The following SP100 variants were observed in gnomAD, a reference collection of about 807,000 sequenced individuals.
SP100 encodes SP100 nuclear body protein, also known as nuclear autoantigen Sp-100.
Under a neutral mutation model 130.0 loss-of-function variants are expected in SP100, and 84 were observed. The ratio of observed to expected loss-of-function variants is 0.65; its 90% CI spans 0.54 to 0.77. The LOEUF (loss-of-function observed/expected upper bound fraction) is 0.77, where lower values mean the gene tolerates loss of function less well. Ranked by LOEUF, SP100 falls within the 30% of genes least tolerant of loss-of-function variation. SP100 has a pLI of 0.00. For synonymous variants in SP100, 331 were observed against 351.7 expected, an observed-to-expected ratio of 0.94 and a Z score of 0.66; for missense variants, 978 against 1,052.2, an observed-to-expected ratio of 0.93 and a Z score of 0.97.
intron 24 of SP100, among the ~76,000 whole-genome samples, chr2:230,521,263 C>G (rs1024788491): frequency 1.3e-5 from 2 of 152,032 alleles, no homozygotes; most frequent in Non-Finnish European, 2.9e-5. Flanking sequence ...GAAACTTGAG[C>G]CCCCCAGTTT....
At chr2:230,454,289 TTCTGA>T (rs1230508271) in intron 8 of SP100, among the ~76,000 whole-genome samples, 1 of 152,120 alleles carries the variant, frequency 6.6e-6, no homozygotes, top group African/African-American at 2.4e-5. Flanking sequence ...ACTCATTTAT[TTCTGA>T]TCTGATATTT....
At chr2:230,438,011 T>G (rs1227911647) in intron 2 of SP100, among the ~76,000 whole-genome samples, 1 of 152,232 alleles carries the variant, frequency 6.6e-6, no homozygotes, top group Non-Finnish European at 1.5e-5. Context: ...CATGATTTGT[T>G]TCTTGAATTT....
chr2:230,462,710 T>G, intron 10 of SP100, 192 bp downstream of exon 10: 1 of 569,746 alleles, frequency 1.8e-6, no homozygotes, highest in Non-Finnish European at 3.2e-6. Flanking sequence ...TAAACTTATT[T>G]TTGAGAATTA....
At chr2:230,528,463 C>A (rs1481658924) in intron 24 of SP100, among the ~76,000 whole-genome samples, 1 of 152,128 alleles carries the variant, frequency 6.6e-6, no homozygotes, top group South Asian at 2.1e-4. Flanking sequence ...TAAATGCCCA[C>A]AAGAGAAAGC....
At chr2:230,539,816 T>C (rs1692095345) in intron 25 of SP100, among the ~76,000 whole-genome samples, 1 of 152,166 alleles carries the variant, frequency 6.6e-6, no homozygotes, top group Non-Finnish European at 1.5e-5. Flanking sequence ...GACCTGTGAA[T>C]TCTGCAAGTG....
At chr2:230,417,781 T>C in intron 2 of SP100, 116 bp downstream of exon 2, 2 of 1,442,398 alleles carry the variant, frequency 1.4e-6, no homozygotes, top group Non-Finnish European at 1.8e-6. Context: ...AATTGCTTGT[T>C]TGTTTTTTGC....
chr2:230,442,878 C>A lies in SP100; in HGVS notation c.108-59C>A, dbSNP rs1199447359. On this transcript the variant is annotated intron_variant, in intron 2 of 28. Transcript: ENST00000340126. ...GTCCTTTATATGTAAACTCTTACAG[C>A]CTCCACAAACATCTCAGAATCTTGA... 16 of 1,437,168 alleles carry A rather than the reference C, an allele frequency of 1.1e-5. No homozygotes were observed. In the African/African-American group the frequency reaches 2.0e-4, roughly 18 times the overall value. The allele number at this position is 1,437,168 out of a possible 1,614,324, so 89.0% of individuals were successfully genotyped here. A position where few individuals can be genotyped will look rare whatever the true frequency, so the allele number is the denominator to read the frequency against.
chr2:230,425,900 A>C (rs182556756), intron 2 of SP100, among the ~76,000 whole-genome samples: 2 of 152,102 alleles, frequency 1.3e-5, no homozygotes, highest in African/African-American at 4.8e-5. Flanking sequence ...TCTTTAATGG[A>C]AAGTTGTTTA....
At chr2:230,534,650 T>C (rs1691847494) in intron 24 of SP100, among the ~76,000 whole-genome samples, 1 of 152,248 alleles carries the variant, frequency 6.6e-6, no homozygotes, top group Non-Finnish European at 1.5e-5. Flanking sequence ...GCAGAAAGCG[T>C]TGTCACATCT....
At chr2:230,448,443 C>T (rs1386969957) in intron 5 of SP100, among the ~76,000 whole-genome samples, 1 of 152,002 alleles carries the variant, frequency 6.6e-6, no homozygotes, top group African/African-American at 2.4e-5. Context: ...TCCAGAGATA[C>T]CACAAATGGA....
At chr2:230,541,784 T>TCA (rs773230629) in intron 27 of SP100, 108 bp from the exon 28 acceptor site, 206 of 1,210,712 alleles carry the variant, frequency 1.7e-4, no homozygotes, top group Non-Finnish European at 2.1e-4. Flanking sequence ...CACAGGGGGG[T>TCA]TAGGATTTTG....
chr2:230,474,309 C>T (rs2065425080), intron 16 of SP100, 85 bp from the exon 17 acceptor site: 1 of 728,010 alleles, frequency 1.4e-6, no homozygotes, highest in Non-Finnish European at 2.4e-6. Flanking sequence ...TAAACGCAAG[C>T]CTTCCATGCA....
Position 230,439,227 on chromosome 2 carries a change from T to C in SP100, c.108-3710T>C, listed in dbSNP as rs1281566933. On this transcript the variant is annotated intron_variant, in intron 2 of 28. Coordinates refer to ENST00000340126, the MANE Select transcript of SP100 (RefSeq NM_001080391.2). ...CTGAATTTTTTCTTGCTGATTTGTT[T>C]GAGTTATTTATAGATTCTGGAATTT... Among the ~76,000 whole-genome samples, 3 of 152,176 alleles carry C rather than the reference T, an allele frequency of 2.0e-5. 1 individual carries two copies. The East Asian group carries it at 5.8e-4, about 29-fold the overall frequency.
rs529275843 is a variant in SP100 at position 230,500,089 on chromosome 2, T to C, written c.1720+1554T>C. ...ATTCTGAGATAACCAAAGAGTCGCC[T>C]AAACACGGTGATATACTCTTTTGCC... is the stretch of plus-strand genomic sequence containing the variant. On this transcript the variant is annotated intron_variant, in intron 19 of 28. Transcript: ENST00000340126. Among the ~76,000 whole-genome samples the C allele has an allele frequency of 7.0e-4, 107 of 152,338 alleles. 1 individual carries two copies. Among genetic ancestry groups the C allele is most frequent in the Non-Finnish European group, 1.2e-3 (83 of 68,030 alleles).
intron 2 of SP100, among the ~76,000 whole-genome samples, chr2:230,435,641 C>T (rs1426912713): frequency 3.3e-5 from 5 of 152,082 alleles, no homozygotes; most frequent in South Asian, 2.1e-4. Context: ...CATGGTGATT[C>T]GCTGTGTGAT....
intron 17 of SP100, among the ~76,000 whole-genome samples, chr2:230,490,133 A>T (rs1407571873): frequency 6.6e-6 from 1 of 151,794 alleles, no homozygotes; most frequent in East Asian, 1.9e-4. Flanking sequence ...TCCCACAATT[A>T]TTATGTGGGA....
chr2:230,433,266 TC>T lies in SP100; in HGVS notation c.108-9670del, dbSNP rs1354486757. On this transcript the variant is annotated intron_variant, in intron 2 of 28. Transcript: ENST00000340126. Reference sequence around the variant, plus strand: ...ATTTGTTGAAAAGACTATCTTTTCCTCATTTAATTGCCTTGGCACTTTTGTT... The same window carrying T: ...ATTTGTTGAAAAGACTATCTTTTCCTATTTAATTGCCTTGGCACTTTTGTT... Among the ~76,000 whole-genome samples the T allele has an allele frequency of 3.3e-5, 5 of 152,328 alleles. No individual in the cohort carries two copies. The East Asian group carries it at 9.6e-4, about 29-fold the overall frequency.
chr2:230,417,990 G>A (rs143002880), intron 2 of SP100, among the ~76,000 whole-genome samples: 158 of 140,140 alleles, frequency 1.1e-3, no homozygotes, highest in African/African-American at 3.8e-3. Flanking sequence ...TGTTATAAAC[G>A]AGGTGATGCT....
chr2:230,464,136 C>G lies in SP100; in HGVS notation c.1127C>G (p.Pro376Arg). 1 of 1,607,510 alleles carries G rather than the reference C, an allele frequency of 6.2e-7. No individual in the cohort carries two copies. Among genetic ancestry groups the G allele is most frequent in the Non-Finnish European group, 8.5e-7 (1 of 1,174,092 alleles). Residue 376 changes from proline (P) to arginine (R), a missense_variant, in exon 11 of 29, where the codon CCC becomes CGC. Coordinates refer to ENST00000340126, the MANE Select transcript of SP100 (RefSeq NM_001080391.2). ...KEGQEATCSR[P>R]QIVPEPMDFR... ...GGCCAAGAAGCCACTTGCTCACGAC[C>G]CCAGATTGTACCAGGTAAGAATATT...
Sources: gnomAD v4.1 joint callset for allele counts (sites outside exome capture counted in the v4.1 genomes callset) on GRCh38, gnomAD v4.1.1 for gene constraint, MANE v1.5 for transcripts, NCBI Gene and HGNC (gene_info 2026-07-23, HGNC 2026-07-21) for gene names.